Variants in AHCTF1 observed in about 807,000 individuals in gnomAD.
AHCTF1 encodes protein ELYS.
AHCTF1 carries 24 observed loss-of-function variants against 248.4 expected under a neutral mutation model. The observed-to-expected ratio is 0.10, with a 90% CI of 0.07 to 0.14. The LOEUF is 0.14. Among genes scored for constraint, AHCTF1 ranks in the 10% least tolerant of loss-of-function variants. The pLI, the probability that AHCTF1 is intolerant of heterozygous loss-of-function variation, is 1.00. For synonymous variants in AHCTF1, 786 were observed against 929.8 expected, an observed-to-expected ratio of 0.85 and a Z score of 2.81; for missense variants, 2,206 against 2,636.2, an observed-to-expected ratio of 0.84 and a Z score of 3.57.
chr1:246,901,631 A>C (rs1442837114), intron 8 of AHCTF1, among the ~76,000 whole-genome samples: 4 of 151,994 alleles, frequency 2.6e-5, no homozygotes, highest in Non-Finnish European at 4.4e-5. Flanking sequence ...CAAAACAAAA[A>C]AAAACAAAAC....
rs1019623196 is a variant in AHCTF1 at position 246,862,232 on chromosome 1, G to A, written c.3541-79C>T. 40 of 1,048,088 alleles carry A rather than the reference G, an allele frequency of 3.8e-5. 1 individual carries two copies. Among genetic ancestry groups the A allele is most frequent in the Middle Eastern group, 4.4e-4 (2 of 4,536 alleles). 64.9% of individuals were successfully genotyped at this position (1,048,088 alleles called of 1,614,324 possible). On this transcript the variant is annotated intron_variant, in intron 27 of 35. Transcript: ENST00000648844. ...GCGGTGGCTCACGCCTGTAATCCCT[G>A]CACTTTGGGAGGCAGAGGCAGGCGG...
At position 246,907,403 on chromosome 1, in the gene AHCTF1, T is replaced by C. The variant is rs1408130312; in HGVS notation, c.764+148A>G. On this transcript the variant is annotated intron_variant, in intron 5 of 35. Transcript: ENST00000648844. ...TGGTATTCACATTGATTTAATGCCA[T>C]GAAAAATTAGTCATCTCAATCATTC... 7 of 688,638 alleles carry C rather than the reference T, an allele frequency of 1.0e-5. No individual in the cohort carries two copies. The East Asian group carries it at 1.9e-4, about 19-fold the overall frequency. The allele number at this position is 688,638 out of a possible 1,614,324, so 42.7% of individuals were successfully genotyped here. A position where few individuals can be genotyped will look rare whatever the true frequency, so the allele number is the denominator to read the frequency against.
At chr1:246,915,082 A>G (rs1367508780) in intron 3 of AHCTF1, among the ~76,000 whole-genome samples, 1 of 152,230 alleles carries the variant, frequency 6.6e-6, no homozygotes, top group Non-Finnish European at 1.5e-5. Flanking sequence ...CTGTAATCCC[A>G]GCACTTTGGG....
chr1:246,887,649 T>C (rs113177890), intron 19 of AHCTF1, among the ~76,000 whole-genome samples: 111 of 152,276 alleles, frequency 7.3e-4, no homozygotes, highest in African/African-American at 2.5e-3. Flanking sequence ...GAAACAAAGA[T>C]ATACGCAAAT....
intron 1 of AHCTF1, among the ~76,000 whole-genome samples, chr1:246,927,853 A>T (rs995442870): frequency 6.8e-6 from 1 of 146,670 alleles, no homozygotes; most frequent in African/African-American, 2.5e-5. Context: ...AAATACAAAA[A>T]TTAGCTGGGC....
rs1229881684 is a variant in AHCTF1, at chr1:246,895,883, T to A, written c.1666A>T (p.Ser556Cys). Reference sequence around the variant, plus strand: ...TAACCAGTCAAAAGTCCCAGGGAACTAGTCTGAATTGCTGCTGACAATATA... The same window carrying A: ...TAACCAGTCAAAAGTCCCAGGGAACAAGTCTGAATTGCTGCTGACAATATA... ...EAILSAAIQTSSLGLLTGYIR... is the reference protein window; with the variant it reads ...EAILSAAIQTCSLGLLTGYIR... The change falls in exon 13 of 36, where the codon AGT becomes TGT. Residue 556 changes from serine (S) to cysteine (C), a missense_variant. Physicochemically the swap from Ser to Cys is moderately radical, Grantham distance 112. Around this residue, in one of 6 missense-constraint regions of AHCTF1, gnomAD observed 650 missense variants for 870.8 expected, o/e 0.75. Coordinates refer to ENST00000648844, the MANE Select transcript of AHCTF1 (RefSeq NM_001323342.2). 3 of 1,613,482 alleles carry A rather than the reference T, an allele frequency of 1.9e-6. No homozygotes were observed. The African/African-American group carries it at 4.0e-5, about 22-fold the overall frequency.
intron 1 of AHCTF1, among the ~76,000 whole-genome samples, chr1:246,926,896 G>A (rs1289912870): frequency 6.6e-6 from 1 of 151,164 alleles, no homozygotes; most frequent in Non-Finnish European, 1.5e-5. Flanking sequence ...GTGTATGGCC[G>A]GGCCGCGGTG....
chr1:246,884,912 G>A (rs535394308), intron 21 of AHCTF1, among the ~76,000 whole-genome samples: 1 of 152,188 alleles, frequency 6.6e-6, no homozygotes, highest in South Asian at 2.1e-4. Flanking sequence ...TACCATTACT[G>A]AATACAAATT....
intron 21 of AHCTF1, among the ~76,000 whole-genome samples, chr1:246,878,917 T>C (rs190797902): frequency 8.3e-4 from 126 of 152,332 alleles, no homozygotes; most frequent in Non-Finnish European, 1.5e-3. Flanking sequence ...GGTGGAATCA[T>C]TGTAACTTGG....
intron 27 of AHCTF1, among the ~76,000 whole-genome samples, chr1:246,863,454 A>G (rs750274819): frequency 2.0e-5 from 3 of 152,180 alleles, no homozygotes; most frequent in Non-Finnish European, 4.4e-5. Context: ...GAGTGCTGTG[A>G]TTTCTCAGCT....
intron 14 of AHCTF1, 148 bp downstream of exon 14, chr1:246,894,511 A>C: frequency 4.6e-6 from 3 of 651,330 alleles, no homozygotes; most frequent in Non-Finnish European, 7.7e-6. Flanking sequence ...CCACTGCACT[A>C]TAGCCTGGCG....
At position 246,849,831 on chromosome 1, in the gene AHCTF1, G is replaced by A. The variant is rs746687719; in HGVS notation, c.6175C>T (p.Arg2059Cys). The A allele has an allele frequency of 2.2e-5, 35 of 1,613,970 alleles. No homozygotes were observed. Among genetic ancestry groups the A allele is most frequent in the South Asian group, 4.4e-5 (4 of 91,076 alleles). ...TCTTCTGATACTGAGTGCAATGAAC[G>A]TTTTTGGCTTTGACTTTCAGTCTTT... ...TKKTESQSQK[R>C]SLHSVSEERT... is the part of the protein sequence containing the mutation. The change falls in exon 33 of 36, where the codon CGT becomes TGT. Residue 2059 changes from arginine (R) to cysteine (C), a missense_variant. By Grantham distance (180) the Arg-to-Cys change is radical. This residue lies in a region of AHCTF1 where 469 missense variants were observed against 470.0 expected (regional missense o/e 1.00). Coordinates refer to ENST00000648844, the MANE Select transcript of AHCTF1 (RefSeq NM_001323342.2).
chr1:246,896,033 T>A (rs1276286625), intron 12 of AHCTF1, 108 bp from the exon 13 acceptor site: 6 of 804,448 alleles, frequency 7.5e-6, no homozygotes, highest in Non-Finnish European at 1.0e-5. Context: ...AAAATCAGTA[T>A]GACCCATAAG....
intron 24 of AHCTF1, among the ~76,000 whole-genome samples, chr1:246,869,578 AT>A (rs1350782565): frequency 1.3e-5 from 2 of 152,158 alleles, no homozygotes; most frequent in African/African-American, 4.8e-5. Flanking sequence ...CCATTCCAAA[AT>A]TCCTAAGGCC....
chr1:246,902,635 G>C lies in AHCTF1; in HGVS notation c.1007C>G (p.Thr336Arg), dbSNP rs751945573. The C allele has an allele frequency of 6.2e-7, 1 of 1,613,394 alleles. No homozygotes were observed. The highest frequency in any genetic ancestry group is 8.5e-7 in the Non-Finnish European group (1 of 1,179,836). Residue 336 changes from threonine (T) to arginine (R), a missense_variant, in exon 8 of 36, where the codon ACA (threonine) becomes AGA (arginine). Transcript: ENST00000648844. The stretch of plus-strand genomic sequence containing the variant: ...TCCCCTCAAAGGGAACATGCCACCT[G>C]TCAGGTCCAGGGTGTATCTTTCTTC... ...YCEERYTLDL[T>R]GGMFPLRGQT...
chr1:246,874,719 C>T (rs1412811119), intron 24 of AHCTF1, among the ~76,000 whole-genome samples: 2 of 152,124 alleles, frequency 1.3e-5, no homozygotes, highest in Non-Finnish European at 1.5e-5. Context: ...GCCATTACAA[C>T]CTATCCTGAG....
chr1:246,920,142 C>CAAAAAAAAAAAAAAA (rs68194249), intron 1 of AHCTF1, among the ~76,000 whole-genome samples: 3 of 40,782 alleles, frequency 7.4e-5, no homozygotes, highest in Non-Finnish European at 8.9e-5. Flanking sequence ...CTGTCCCCCG[C>CAAAAAAAAAAAAAAA]AAAAAAAAAA....
At chr1:246,863,588 GAAGA>G (rs1415268384) in intron 27 of AHCTF1, among the ~76,000 whole-genome samples, 1 of 152,032 alleles carries the variant, frequency 6.6e-6, no homozygotes, top group Non-Finnish European at 1.5e-5. Context: ...GCATTTGATA[GAAGA>G]AATAACAGCA....
At chr1:246,892,005 T>A in intron 14 of AHCTF1, 86 bp from the exon 15 acceptor site, 1 of 1,348,562 alleles carries the variant, frequency 7.4e-7, no homozygotes, top group Non-Finnish European at 1.0e-6. Flanking sequence ...CAAACTCCTA[T>A]CACTCAAAAG....
Sources: allele counts gnomAD v4.1 joint callset (sites outside exome capture counted in the v4.1 genomes callset), GRCh38; gene constraint gnomAD v4.1.1; regional missense constraint gnomAD v4.1.1; transcripts MANE v1.5; gene names NCBI Gene and HGNC (gene_info 2026-07-23, HGNC 2026-07-21).